TUBGCP3: variants seen among roughly 807,000 people sequenced by gnomAD.
TUBGCP3 encodes tubulin gamma complex component 3, also known as gamma-tubulin complex component 3.
A neutral mutation model predicts 123.1 loss-of-function variants in TUBGCP3; 50 were observed. That is an observed-to-expected ratio of 0.41 (90% confidence interval 0.32 to 0.51). TUBGCP3 has a LOEUF of 0.51. Ranked by LOEUF, TUBGCP3 falls within the 20% of genes least tolerant of loss-of-function variation. The probability of loss-of-function intolerance (pLI) is 0.36; values close to 1 mark genes in which losing one functional copy is unlikely to be tolerated. For missense variants in TUBGCP3, 882 were observed against 1,127.0 expected (o/e 0.78, Z 3.11); for synonymous variants, 405 against 413.9 (o/e 0.98, Z 0.26).
chr13:112,521,148 T>C (rs1876586258), intron 14 of TUBGCP3, among the ~76,000 whole-genome samples: 1 of 152,194 alleles, frequency 6.6e-6, no homozygotes, highest in African/African-American at 2.4e-5. Flanking sequence ...CATGCCCCCA[T>C]GGCATTAGAG....
the TUBGCP3 span, among the ~76,000 whole-genome samples, chr13:112,597,110 C>T: frequency 1.3e-5 from 2 of 152,300 alleles, no homozygotes; most frequent in African/African-American, 2.4e-5. Flanking sequence ...TACTTCTGAT[C>T]TTACAAAAAC....
At chr13:112,563,278 A>C (rs2139249401) in intron 3 of TUBGCP3, among the ~76,000 whole-genome samples, 1 of 152,306 alleles carries the variant, frequency 6.6e-6, no homozygotes, top group East Asian at 1.9e-4. Flanking sequence ...TAACTAAGAC[A>C]AGATAAAAAA....
At chr13:112,574,302 A>G (rs1881641753) in intron 1 of TUBGCP3, among the ~76,000 whole-genome samples, 2 of 145,842 alleles carry the variant, frequency 1.4e-5, no homozygotes, top group Middle Eastern at 4.1e-3. Flanking sequence ...AGAATCTTCA[A>G]GTGAGCACTC....
chr13:112,585,863 A>G (rs936239635), intron 1 of TUBGCP3, among the ~76,000 whole-genome samples: 13 of 152,136 alleles, frequency 8.5e-5, no homozygotes. Flanking sequence ...AGATAGTAGG[A>G]TACAGAATTT....
intron 2 of TUBGCP3, among the ~76,000 whole-genome samples, chr13:112,565,602 A>T (rs368831983): frequency 4.6e-5 from 7 of 152,368 alleles, no homozygotes; most frequent in African/African-American, 1.7e-4. Context: ...ATGGTCATTC[A>T]TTCCACTTGG....
intron 9 of TUBGCP3, 53 bp from the exon 10 acceptor site, chr13:112,547,805 C>T: frequency 7.2e-7 from 1 of 1,380,718 alleles, no homozygotes; most frequent in South Asian, 2.0e-5. Flanking sequence ...ACATAGATCA[C>T]ACTTCTTAAT....
intron 17 of TUBGCP3, among the ~76,000 whole-genome samples, chr13:112,506,368 G>C (rs1362664443): frequency 6.6e-6 from 1 of 152,186 alleles, no homozygotes; most frequent in East Asian, 1.9e-4. Context: ...ATGTATCAGA[G>C]GCATATCTAA....
At position 112,504,172 on chromosome 13, in the gene TUBGCP3, C is replaced by T. The variant is rs1229325378; in HGVS notation, c.2176-9G>A. 1.2e-6 allele frequency: 2 copies of T among 1,613,832 alleles called. No individual in the cohort carries two copies. The highest frequency in any genetic ancestry group is 3.3e-5 in the Admixed American group (2 of 60,008). Reference sequence around the variant, plus strand: ...CAAGAACATTCAAGCACCTGGGAAACAACAATTTAAAGACGCTAGATAAGC... The same window carrying T: ...CAAGAACATTCAAGCACCTGGGAAATAACAATTTAAAGACGCTAGATAAGC... On this transcript the variant is annotated splice_polypyrimidine_tract_variant and intron_variant, in intron 18 of 21. Transcript: ENST00000261965.
At chr13:112,504,790 C>T in intron 17 of TUBGCP3, 76 bp from the exon 18 acceptor site, 1 of 1,202,824 alleles carries the variant, frequency 8.3e-7, no homozygotes, top group East Asian at 2.4e-5. Flanking sequence ...CCTTACCCAC[C>T]TGCAAGCTAT....
chr13:112,569,090 C>A (rs111934303), intron 2 of TUBGCP3, 62 bp downstream of exon 2: 2 of 1,509,664 alleles, frequency 1.3e-6, no homozygotes, highest in Non-Finnish European at 1.8e-6. Context: ...TGCATACATA[C>A]ATCTGCTTAA....
chr13:112,515,531 A>C (rs1287755572), intron 17 of TUBGCP3, among the ~76,000 whole-genome samples: 1 of 152,244 alleles, frequency 6.6e-6, no homozygotes, highest in African/African-American at 2.4e-5. Context: ...GCGTGCATGC[A>C]GCCCTCTCAG....
At chr13:112,494,246 G>C (rs750035057) in intron 20 of TUBGCP3, among the ~76,000 whole-genome samples, 2 of 152,220 alleles carry the variant, frequency 1.3e-5, no homozygotes, top group African/African-American at 2.4e-5. Flanking sequence ...ACACCTAGGA[G>C]AGAGAATGCT....
chr13:112,487,073 G>GTGTGTC (rs917618071), intron 21 of TUBGCP3, among the ~76,000 whole-genome samples: 3 of 147,908 alleles, frequency 2.0e-5, no homozygotes, highest in African/African-American at 7.4e-5. Flanking sequence ...GTGTGTGTGT[G>GTGTGTC]TGTGTGTGTC....
the TUBGCP3 span, among the ~76,000 whole-genome samples, chr13:112,596,558 A>G: frequency 6.6e-6 from 1 of 151,934 alleles, no homozygotes; most frequent in Non-Finnish European, 1.5e-5. Flanking sequence ...TCGGAGTTTG[A>G]CTATGAAATG....
intron 1 of TUBGCP3, among the ~76,000 whole-genome samples, chr13:112,569,732 AAAACAC>A (rs1453557433): frequency 1.3e-5 from 2 of 152,240 alleles, no homozygotes; most frequent in Non-Finnish European, 2.9e-5. Context: ...ACTCCCTTCA[AAAACAC>A]CATAAAATTG....
chr13:112,547,285 G>C (rs1410208623), intron 10 of TUBGCP3: 2 of 399,344 alleles, frequency 5.0e-6, no homozygotes, highest in Non-Finnish European at 8.8e-6. Context: ...TTAAACACGA[G>C]ACACCCTCCT....
At chr13:112,548,060 G>A in intron 9 of TUBGCP3, 48 bp downstream of exon 9, 1 of 1,390,774 alleles carries the variant, frequency 7.2e-7, no homozygotes. Flanking sequence ...CTTCAATTTT[G>A]TAACACTTCA....
intron 17 of TUBGCP3, among the ~76,000 whole-genome samples, chr13:112,515,112 A>G (rs1445085297): frequency 1.3e-5 from 2 of 152,262 alleles, no homozygotes; most frequent in African/African-American, 2.4e-5. Flanking sequence ...TTTATTAGTT[A>G]TCTCCAACTA....
Position 112,545,853 on chromosome 13 carries a change from C to A in TUBGCP3, c.1181G>T (p.Gly394Val). ...GGCGTGGACAGCTGAGGCCAGCTCACCTCCTTTCCTTCCTGGGAGAAATGG... is the reference window on the plus strand; with the variant it reads ...GGCGTGGACAGCTGAGGCCAGCTCAACTCCTTTCCTTCCTGGGAGAAATGG... Reference protein sequence around the residue: ...LVDHCQGRKGGELASAVHAYT... With the variant: ...LVDHCQGRKGVELASAVHAYT... The change falls in exon 11 of 22, where the codon GGT becomes GTT. Residue 394 changes from glycine to valine, a missense_variant. Physicochemically the swap from Gly to Val is moderately radical, Grantham distance 109. Around this residue, in one of 3 missense-constraint regions of TUBGCP3, gnomAD observed 713 missense variants for 874.0 expected, o/e 0.82. Transcript: ENST00000261965. The surrounding 1 kb of genome is among the most constrained non-coding windows in gnomAD (Gnocchi z 4.1). 6.2e-7 allele frequency: 1 copy of A among 1,609,866 alleles called. No individual in the cohort carries two copies. The highest frequency in any genetic ancestry group is 1.1e-5 in the South Asian group (1 of 91,016).
Sources: allele counts gnomAD v4.1 joint callset (sites outside exome capture counted in the v4.1 genomes callset), GRCh38; gene constraint gnomAD v4.1.1; regional missense constraint gnomAD v4.1.1; non-coding constraint Gnocchi (gnomAD v3.1); transcripts MANE v1.5; gene names NCBI Gene and HGNC (gene_info 2026-07-23, HGNC 2026-07-21).